The following RFTN1 variants were observed in gnomAD, a reference collection of about 807,000 sequenced individuals.
The protein encoded by RFTN1 is raftlin, lipid raft linker 1.
RFTN1 carries 26 observed loss-of-function variants against 46.5 expected under a neutral mutation model. The observed-to-expected ratio is 0.56, with a 90% CI of 0.41 to 0.78. The LOEUF (loss-of-function observed/expected upper bound fraction) is 0.78, where lower values mean the gene tolerates loss of function less well. Ranked by LOEUF, RFTN1 falls within the 30% of genes least tolerant of loss-of-function variation. The probability of loss-of-function intolerance (pLI) is 0.00; values close to 1 mark genes in which losing one functional copy is unlikely to be tolerated. For missense variants in RFTN1, 693 were observed against 718.7 expected, an observed-to-expected ratio of 0.96 and a Z score of 0.41; for synonymous variants, 261 against 284.2, an observed-to-expected ratio of 0.92 and a Z score of 0.82.
At chr3:16,501,331 C>G (rs772709653) in intron 1 of RFTN1, among the ~76,000 whole-genome samples, 1 of 152,108 alleles carries the variant, frequency 6.6e-6, no homozygotes, top group African/African-American at 2.4e-5. Context: ...ACTGGAAAAC[C>G]ACTTCAAAAG....
At position 16,442,510 on chromosome 3, in the gene RFTN1, T is replaced by G. The variant is rs1372708472; in HGVS notation, c.146-8473A>C. On this transcript the variant is annotated intron_variant, in intron 2 of 9. Coordinates refer to ENST00000334133, the MANE Select transcript of RFTN1 (RefSeq NM_015150.2). The surrounding 1 kb of genome is among the most constrained non-coding windows in gnomAD (Gnocchi z 4.1). ...ACATGATGCCTCAATGTATATATAC[T>G]TAGTTCAAATGATTACTACAGTCAA... 1.3e-5 allele frequency among the ~76,000 whole-genome samples: 2 copies of G among 152,200 alleles called. No homozygotes were observed. The highest frequency in any genetic ancestry group is 4.8e-5 in the African/African-American group (2 of 41,448).
intron 6 of RFTN1, among the ~76,000 whole-genome samples, chr3:16,365,844 A>G (rs2073134722): frequency 6.6e-6 from 1 of 152,190 alleles, no homozygotes; most frequent in South Asian, 2.1e-4. Context: ...TCTGCAGAAT[A>G]AGAGGCTAGG....
Position 16,317,322 on chromosome 3 carries a change from T to A in RFTN1, c.1333-90A>T, listed in dbSNP as rs2068516417. 7.4e-7 allele frequency: 1 copy of A among 1,351,118 alleles called. No homozygotes were observed. Among genetic ancestry groups the A allele is most frequent in the South Asian group, 1.3e-5 (1 of 79,730 alleles). The allele number at this position is 1,351,118 out of a possible 1,614,324, so 83.7% of individuals were successfully genotyped here. A position where few individuals can be genotyped will look rare whatever the true frequency, so the allele number is the denominator to read the frequency against. ...CTTGTTTGCATTCATACCCACACCA[T>A]GTCTGAGTGAGACATACAATTCCCA... On this transcript the variant is annotated intron_variant, in intron 9 of 9. Transcript: ENST00000334133. This position sits in a 1 kb window ranked among gnomAD's most constrained non-coding sequence, Gnocchi z 4.3.
In RFTN1 at chr3:16,392,444, G is replaced by A. The variant is rs751485725; in HGVS notation, c.442-14342C>T. 1.3e-3 allele frequency among the ~76,000 whole-genome samples: 193 copies of A among 152,222 alleles called. 1 individual carries two copies. The highest frequency in any genetic ancestry group is 1.9e-3 in the Non-Finnish European group (130 of 68,004). On this transcript the variant is annotated intron_variant, in intron 4 of 9. Transcript: ENST00000334133. The stretch of plus-strand genomic sequence containing the variant: ...ACAGGAGGTGTCACCGAGGTGGGAT[G>A]TTCAGCACTTCTGAACACACAGATG...
In RFTN1 at chr3:16,335,239, A is replaced by AGG. The variant is rs1465886504; in HGVS notation, c.1147-8365_1147-8364dup. 6.6e-6 allele frequency among the ~76,000 whole-genome samples: 1 copy of AGG among 152,204 alleles called. No individual in the cohort carries two copies. The highest frequency in any genetic ancestry group is 1.9e-4 in the East Asian group (1 of 5,196). On this transcript the variant is annotated intron_variant, in intron 7 of 9. Coordinates refer to ENST00000334133, the MANE Select transcript of RFTN1 (RefSeq NM_015150.2). The surrounding 1 kb of genome is among the most constrained non-coding windows in gnomAD (Gnocchi z 4.7). ...AACACTTGGAGGTGCTGACAGATGC[A>AGG]GGGTAGGTGAAAACTCCTGGAGGGA...
rs755336895 is a variant in RFTN1, at chr3:16,316,781, C to T, written c.*47G>A. The stretch of plus-strand genomic sequence containing the variant: ...CCCCAAACCAGCTGTTGGTAAGATG[C>T]CTTGGGTTTGGCAACTCACCTAGTT... On this transcript the variant is annotated 3_prime_UTR_variant, in exon 10 of 10. Coordinates refer to ENST00000334133, the MANE Select transcript of RFTN1 (RefSeq NM_015150.2). The surrounding 1 kb of genome is among the most constrained non-coding windows in gnomAD (Gnocchi z 4.5). 6.2e-7 allele frequency: 1 copy of T among 1,609,926 alleles called. No individual in the cohort carries two copies. The highest frequency in any genetic ancestry group is 1.7e-5 in the Admixed American group (1 of 59,698).
chr3:16,469,631 G>T (rs79858553), intron 2 of RFTN1, among the ~76,000 whole-genome samples: 9 of 152,324 alleles, frequency 5.9e-5, no homozygotes, highest in East Asian at 3.9e-4. Flanking sequence ...CAGAGGGAAG[G>T]GGGGAAGAGA....
chr3:16,432,685 AG>A (rs1455045474), intron 3 of RFTN1, among the ~76,000 whole-genome samples: 6 of 150,966 alleles, frequency 4.0e-5, no homozygotes, highest in East Asian at 1.9e-4. Context: ...GAAAAAAAAA[AG>A]AGAGAGAGAG....
intron 3 of RFTN1, among the ~76,000 whole-genome samples, chr3:16,416,868 T>A (rs1322528386): frequency 2.0e-5 from 3 of 152,192 alleles, no homozygotes; most frequent in Non-Finnish European, 2.9e-5. Context: ...TTTTAAAAAT[T>A]TTTTTATTAT....
Position 16,374,139 on chromosome 3 carries a change from T to G in RFTN1, c.826+3579A>C, listed in dbSNP as rs2073646023. On this transcript the variant is annotated intron_variant, in intron 5 of 9. Coordinates refer to ENST00000334133, the MANE Select transcript of RFTN1 (RefSeq NM_015150.2). This position sits in a 1 kb window ranked among gnomAD's most constrained non-coding sequence, Gnocchi z 5.4. ...TTTCACCTTCACCATCTCATGTGACTCTCCCAAACTTGATGAGAGGGGGTG... is the reference window on the plus strand; with the variant it reads ...TTTCACCTTCACCATCTCATGTGACGCTCCCAAACTTGATGAGAGGGGGTG... 6.6e-6 allele frequency among the ~76,000 whole-genome samples: 1 copy of G among 152,100 alleles called. No individual in the cohort carries two copies. The highest frequency in any genetic ancestry group is 1.5e-5 in the Non-Finnish European group (1 of 68,016).
Position 16,361,695 on chromosome 3 carries a change from G to C in RFTN1, c.1031-3648C>G, listed in dbSNP as rs1162384544. Among the ~76,000 whole-genome samples the C allele has an allele frequency of 6.6e-6, 1 of 152,152 alleles. No individual in the cohort carries two copies. The highest frequency in any genetic ancestry group is 2.4e-5 in the African/African-American group (1 of 41,452). ...TTAAGACTAAATTGACTGGTGGGGA[G>C]GCCAGCCACTTAGGGCTCTGTTCAT... On this transcript the variant is annotated intron_variant, in intron 6 of 9. Coordinates refer to ENST00000334133, the MANE Select transcript of RFTN1 (RefSeq NM_015150.2). This position sits in a 1 kb window ranked among gnomAD's most constrained non-coding sequence, Gnocchi z 4.3.
rs2069184024 is a variant in RFTN1, at chr3:16,322,516, T to C, written c.1332+860A>G. 6.6e-6 allele frequency among the ~76,000 whole-genome samples: 1 copy of C among 152,010 alleles called. No individual in the cohort carries two copies. The highest frequency in any genetic ancestry group is 1.5e-5 in the Non-Finnish European group (1 of 68,000). ...AGAATGTGGCCTCAGCCATCAAAGG[T>C]GCAGTGAGCTGAATCCAGGTGATGC... is the stretch of plus-strand genomic sequence containing the variant. On this transcript the variant is annotated intron_variant, in intron 9 of 9. Coordinates refer to ENST00000334133, the MANE Select transcript of RFTN1 (RefSeq NM_015150.2). This position sits in a 1 kb window ranked among gnomAD's most constrained non-coding sequence, Gnocchi z 6.2.
rs781738635 is a variant in RFTN1, at chr3:16,434,010, C to A, written c.173G>T (p.Arg58Met). ...AAELPGSSAV[R>M]LASLRDLPAQ... is the part of the protein sequence containing the mutation. ...GGGCAGGTCACGCAGGGAGGCCAGC[C>A]TCACTGCTGAGGACCCAGGGAGCTC... Residue 58 changes from arginine to methionine, a missense_variant, in exon 3 of 10, where the codon AGG becomes ATG. Arg to Met is a moderately conservative substitution (Grantham distance 91). Transcript: ENST00000334133. The A allele has an allele frequency of 6.2e-7, 1 of 1,609,820 alleles. No homozygotes were observed.
chr3:16,409,877 G>A (rs1264570245), intron 3 of RFTN1, among the ~76,000 whole-genome samples: 1 of 151,920 alleles, frequency 6.6e-6, no homozygotes, highest in African/African-American at 2.4e-5. Context: ...AGTAGAGATG[G>A]GGTTTCACCA....
chr3:16,336,170 G>T lies in RFTN1; in HGVS notation c.1147-9294C>A, dbSNP rs2070829790. Among the ~76,000 whole-genome samples the T allele has an allele frequency of 6.6e-6, 1 of 152,240 alleles. No homozygotes were observed. The highest frequency in any genetic ancestry group is 1.5e-5 in the Non-Finnish European group (1 of 68,038). The stretch of plus-strand genomic sequence containing the variant: ...GAAGGCAGATGCTGGAACACGGCGG[G>T]CAGTGTTGCAGAAAACTCCACGTGG... On this transcript the variant is annotated intron_variant, in intron 7 of 9. Coordinates refer to ENST00000334133, the MANE Select transcript of RFTN1 (RefSeq NM_015150.2). The surrounding 1 kb of genome is among the most constrained non-coding windows in gnomAD (Gnocchi z 6.0).
chr3:16,460,701 G>A lies in RFTN1; in HGVS notation c.146-26664C>T, dbSNP rs1181792591. On this transcript the variant is annotated intron_variant, in intron 2 of 9. Coordinates refer to ENST00000334133, the MANE Select transcript of RFTN1 (RefSeq NM_015150.2). The surrounding 1 kb of genome is among the most constrained non-coding windows in gnomAD (Gnocchi z 4.8). ...TACAGATAACTAACGCAAGAGACAC[G>A]TGAGCAGACGTCACTTGAGCCTCAT... is the stretch of plus-strand genomic sequence containing the variant. Among the ~76,000 whole-genome samples the A allele has an allele frequency of 8.5e-5, 13 of 152,098 alleles. No homozygotes were observed. The highest frequency in any genetic ancestry group is 1.8e-4 in the Non-Finnish European group (12 of 68,026).
At position 16,473,701 on chromosome 3, in the gene RFTN1, C is replaced by T. The variant is rs2076237033; in HGVS notation, c.145+20024G>A. Among the ~76,000 whole-genome samples the T allele has an allele frequency of 6.6e-6, 1 of 152,212 alleles. No homozygotes were observed. Among genetic ancestry groups the T allele is most frequent in the African/African-American group, 2.4e-5 (1 of 41,438 alleles). ...AGATTACAGTTGTGAGCCACTGCAC[C>T]TGGCCAAATACTCGGTATTCTTGAA... On this transcript the variant is annotated intron_variant, in intron 2 of 9. Transcript: ENST00000334133. This position sits in a 1 kb window ranked among gnomAD's most constrained non-coding sequence, Gnocchi z 5.3.
Position 16,424,563 on chromosome 3 carries a change from G to T in RFTN1, c.332+9288C>A, listed in dbSNP as rs1184246725. ...TTATGTGAATACAAGCTGCTAATTT[G>T]GTTTTTAAAGTCTTTGTAGCCATTT... On this transcript the variant is annotated intron_variant, in intron 3 of 9. Coordinates refer to ENST00000334133, the MANE Select transcript of RFTN1 (RefSeq NM_015150.2). The surrounding 1 kb of genome is among the most constrained non-coding windows in gnomAD (Gnocchi z 4.7). Among the ~76,000 whole-genome samples, 2 of 152,092 alleles carry T rather than the reference G, an allele frequency of 1.3e-5. No individual in the cohort carries two copies. The highest frequency in any genetic ancestry group is 1.9e-4 in the East Asian group (1 of 5,194).
At chr3:16,389,732 A>C (rs115733871) in intron 4 of RFTN1, among the ~76,000 whole-genome samples, 2,259 of 152,056 alleles carry the variant, frequency 0.015, 71 homozygotes, top group African/African-American at 0.051. Flanking sequence ...AAAGATGGCC[A>C]CAACAATATT....
Sources: allele counts gnomAD v4.1 joint callset (sites outside exome capture counted in the v4.1 genomes callset), GRCh38; gene constraint gnomAD v4.1.1; non-coding constraint Gnocchi (gnomAD v3.1); transcripts MANE v1.5; gene names NCBI Gene and HGNC (gene_info 2026-07-23, HGNC 2026-07-21).